The following SPATS2 variants were observed in gnomAD, a reference collection of about 807,000 sequenced individuals.
The protein encoded by SPATS2 is spermatogenesis-associated serine-rich protein 2.
Under a neutral mutation model 63.7 loss-of-function variants are expected in SPATS2, and 38 were observed. That is an observed-to-expected ratio of 0.60 (90% CI 0.46 to 0.78). The LOEUF is 0.78. Ranked by LOEUF, SPATS2 falls within the 30% of genes least tolerant of loss-of-function variation. The pLI, the probability that SPATS2 is intolerant of heterozygous loss-of-function variation, is 0.00. For synonymous variants in SPATS2, 207 were observed against 232.9 expected, an observed-to-expected ratio of 0.89 and a Z score of 1.01; for missense variants, 588 against 666.2, an observed-to-expected ratio of 0.88 and a Z score of 1.29.
At chr12:49,501,716 G>T (rs1021916734) in intron 9 of SPATS2, among the ~76,000 whole-genome samples, 7 of 152,170 alleles carry the variant, frequency 4.6e-5, no homozygotes, top group Non-Finnish European at 7.3e-5. Context: ...CCAGGTTGCA[G>T]CCATTCTCCT....
intron 2 of SPATS2, among the ~76,000 whole-genome samples, chr12:49,437,930 GT>G (rs993069868): frequency 3.3e-5 from 5 of 152,078 alleles, no homozygotes; most frequent in African/African-American, 1.2e-4. Flanking sequence ...ATGCTTTGAA[GT>G]TTTTTCCCTA....
chr12:49,432,835 G>A (rs1295765793), intron 2 of SPATS2, among the ~76,000 whole-genome samples: 2 of 152,092 alleles, frequency 1.3e-5, no homozygotes, highest in Non-Finnish European at 2.9e-5. Flanking sequence ...ATAGACACCG[G>A]TTGCTTTCAC....
intron 2 of SPATS2, among the ~76,000 whole-genome samples, chr12:49,393,832 A>G (rs1944460885): frequency 6.6e-6 from 1 of 152,020 alleles, no homozygotes; most frequent in South Asian, 2.1e-4. Flanking sequence ...GCAGGCCACC[A>G]TGTCCTGCTA....
intron 12 of SPATS2, 112 bp from the exon 13 acceptor site, chr12:49,524,570 G>C: frequency 8.8e-7 from 1 of 1,133,046 alleles, no homozygotes. Flanking sequence ...TTCTTTATTC[G>C]AATAGACAGT....
intron 2 of SPATS2, among the ~76,000 whole-genome samples, chr12:49,393,408 TTTA>T (rs530538291): frequency 1.7e-4 from 26 of 152,268 alleles, no homozygotes; most frequent in African/African-American, 5.5e-4. Context: ...TTTTTCTAAT[TTTA>T]TTATTATTCT....
chr12:49,389,951 C>T, intron 2 of SPATS2: 1 of 803,646 alleles, frequency 1.2e-6, no homozygotes, highest in Non-Finnish European at 2.3e-6. Context: ...TGAAATATGG[C>T]AGCAGTAATG....
chr12:49,504,284 A>G (rs556334540), intron 9 of SPATS2, among the ~76,000 whole-genome samples: 77 of 152,330 alleles, frequency 5.1e-4, no homozygotes, highest in Non-Finnish European at 7.1e-4. Context: ...ACCTATAGAA[A>G]GGTAAACTCA....
At chr12:49,434,749 G>A (rs1945243923) in intron 2 of SPATS2, among the ~76,000 whole-genome samples, 1 of 152,092 alleles carries the variant, frequency 6.6e-6, no homozygotes, top group East Asian at 1.9e-4. Flanking sequence ...ATGGAATCTG[G>A]TTCATTGGTT....
intron 2 of SPATS2, among the ~76,000 whole-genome samples, chr12:49,385,390 G>GTGTGTGTGTGTGT (rs397797694): frequency 6.6e-6 from 1 of 151,042 alleles, no homozygotes; most frequent in African/African-American, 2.4e-5. Flanking sequence ...GTGTGTGTGT[G>GTGTGTGTGTGTGT]GCAGAGACAG....
At chr12:49,503,941 C>A (rs1946612477) in intron 9 of SPATS2, among the ~76,000 whole-genome samples, 1 of 152,116 alleles carries the variant, frequency 6.6e-6, no homozygotes, top group Admixed American at 6.5e-5. Context: ...ACAACCAGGT[C>A]AATTTAACTT....
At chr12:49,386,372 C>G (rs1944319488) in intron 2 of SPATS2, among the ~76,000 whole-genome samples, 1 of 151,980 alleles carries the variant, frequency 6.6e-6, no homozygotes, top group African/African-American at 2.4e-5. Flanking sequence ...CCTTGTTGGC[C>G]AGGCTGGTCT....
chr12:49,407,642 G>T (rs556267584), intron 2 of SPATS2, among the ~76,000 whole-genome samples: 30 of 152,212 alleles, frequency 2.0e-4, no homozygotes, highest in Middle Eastern at 3.4e-3. Context: ...GTGAGGCCCT[G>T]GCTCTCTATC....
At chr12:49,439,001 G>A (rs940227086) in intron 2 of SPATS2, among the ~76,000 whole-genome samples, 11 of 152,194 alleles carry the variant, frequency 7.2e-5, no homozygotes, top group African/African-American at 2.7e-4. Context: ...GATAGTAACA[G>A]TTGTAGAAAA....
intron 4 of SPATS2, among the ~76,000 whole-genome samples, chr12:49,485,608 C>T (rs970263260): frequency 3.3e-5 from 5 of 151,762 alleles, no homozygotes; most frequent in Non-Finnish European, 5.9e-5. Context: ...GTGATCCACC[C>T]GCCTCAGCCT....
chr12:49,519,284 CT>C, intron 11 of SPATS2, 102 bp downstream of exon 11: 1 of 877,644 alleles, frequency 1.1e-6, no homozygotes, highest in Admixed American at 3.1e-5. Context: ...AACTCATGAT[CT>C]TCCTTTCCCA....
chr12:49,374,428 C>T (rs138411715), intron 2 of SPATS2, among the ~76,000 whole-genome samples: 176 of 152,302 alleles, frequency 1.2e-3, no homozygotes, highest in African/African-American at 3.9e-3. Flanking sequence ...CAGTGCCCAG[C>T]TCACTTTATT....
At chr12:49,516,662 C>T (rs1946856087) in intron 10 of SPATS2, among the ~76,000 whole-genome samples, 1 of 151,296 alleles carries the variant, frequency 6.6e-6, no homozygotes, top group Non-Finnish European at 1.5e-5. Context: ...GCCGAGATTG[C>T]GCCACTGCAC....
At chr12:49,483,510 A>G (rs757552354) in intron 3 of SPATS2, among the ~76,000 whole-genome samples, 6 of 152,134 alleles carry the variant, frequency 3.9e-5, no homozygotes, top group Non-Finnish European at 7.4e-5. Context: ...GTGTTACCCG[A>G]TTTTTCATTT....
intron 2 of SPATS2, among the ~76,000 whole-genome samples, chr12:49,383,276 C>T (rs531251304): frequency 1.0e-3 from 154 of 152,016 alleles, no homozygotes; most frequent in African/African-American, 3.6e-3. Flanking sequence ...GCCTCGGCCT[C>T]TCAAAGTGCT....
Sources: allele counts gnomAD v4.1 joint callset (sites outside exome capture counted in the v4.1 genomes callset), GRCh38; gene constraint gnomAD v4.1.1; transcripts MANE v1.5; gene names NCBI Gene and HGNC (gene_info 2026-07-23, HGNC 2026-07-21).